Variants in GPC6 observed in about 807,000 individuals in gnomAD.
The protein encoded by GPC6 is glypican-6.
In GPC6, 14 loss-of-function variants were observed where a neutral mutation model predicts 55.2. That is an observed-to-expected ratio of 0.25 (90% CI 0.17 to 0.40). GPC6 has a LOEUF of 0.40. Among genes scored for constraint, GPC6 ranks in the 10% least tolerant of loss-of-function variants. GPC6 has a pLI of 1.00. For synonymous variants in GPC6, 278 were observed against 259.6 expected (o/e 1.07, Z -0.68); for missense variants, 641 against 708.5 (o/e 0.90, Z 1.08).
chr13:94,279,679 C>A (rs1391524351), intron 4 of GPC6, among the ~76,000 whole-genome samples: 2 of 152,100 alleles, frequency 1.3e-5, no homozygotes, highest in Non-Finnish European at 2.9e-5. Context: ...TTCTTGATTT[C>A]TGCCTTAATT....
At chr13:93,802,680 G>A (rs1886412906) in intron 2 of GPC6, among the ~76,000 whole-genome samples, 1 of 152,032 alleles carries the variant, frequency 6.6e-6, no homozygotes, top group Non-Finnish European at 1.5e-5. Context: ...TTACAGTTGT[G>A]AGCCACCATG....
At chr13:93,233,942 C>A (rs115794303) in intron 1 of GPC6, among the ~76,000 whole-genome samples, 103 of 152,270 alleles carry the variant, frequency 6.8e-4, no homozygotes, top group African/African-American at 2.4e-3. Context: ...AGTTAAAAAG[C>A]CCAGTAGTGC....
At position 93,312,889 on chromosome 13, in the gene GPC6, T is replaced by C. The variant is rs139672220; in HGVS notation, c.160+85273T>C. 4.5e-3 allele frequency among the ~76,000 whole-genome samples: 682 copies of C among 152,306 alleles called. 3 individuals are homozygous for C. Among genetic ancestry groups the C allele is most frequent in the African/African-American group, 0.016 (656 of 41,572 alleles). On this transcript the variant is annotated intron_variant, in intron 1 of 8. Coordinates refer to ENST00000377047, the MANE Select transcript of GPC6 (RefSeq NM_005708.5). ...ATTTTAATGATATTCTATTTGGCTC[T>C]ATAAACTGTACTGAAGCCAGCGCTG...
chr13:93,897,275 G>A (rs1258577378), intron 3 of GPC6, among the ~76,000 whole-genome samples: 1 of 151,980 alleles, frequency 6.6e-6, no homozygotes, highest in Non-Finnish European at 1.5e-5. Context: ...GGTGGCTATA[G>A]TTAGTATTCA....
At chr13:93,761,842 A>G (rs1884965445) in intron 2 of GPC6, among the ~76,000 whole-genome samples, 1 of 152,186 alleles carries the variant, frequency 6.6e-6, no homozygotes, top group Admixed American at 6.5e-5. Flanking sequence ...CACATTAGTC[A>G]TCTGAAATAC....
chr13:93,810,044 A>G (rs928668108), intron 2 of GPC6, among the ~76,000 whole-genome samples: 3 of 152,086 alleles, frequency 2.0e-5, no homozygotes, highest in African/African-American at 7.2e-5. Context: ...TTTGTTCTTA[A>G]AGAAAGCTCC....
At chr13:94,060,411 TAGGTGTTC>T (rs1215050294) in intron 4 of GPC6, among the ~76,000 whole-genome samples, 1 of 152,166 alleles carries the variant, frequency 6.6e-6, no homozygotes, top group Non-Finnish European at 1.5e-5. Flanking sequence ...AGGCACATAG[TAGGTGTTC>T]AGGAAATACA....
intron 2 of GPC6, among the ~76,000 whole-genome samples, chr13:93,663,473 T>C (rs1881007878): frequency 6.6e-6 from 1 of 152,220 alleles, no homozygotes; most frequent in Non-Finnish European, 1.5e-5. Flanking sequence ...AATTTTTGTG[T>C]TTACAGTCTT....
At chr13:93,749,959 G>T (rs1235677309) in intron 2 of GPC6, among the ~76,000 whole-genome samples, 1 of 152,050 alleles carries the variant, frequency 6.6e-6, no homozygotes, top group Non-Finnish European at 1.5e-5. Context: ...TTGAGTAATA[G>T]CATTTTATTT....
chr13:94,312,774 A>T (rs538789842), intron 6 of GPC6, among the ~76,000 whole-genome samples: 2 of 152,132 alleles, frequency 1.3e-5, no homozygotes, highest in East Asian at 3.9e-4. Context: ...CTTGGCCTGA[A>T]CAAAAAAAGT....
At chr13:93,351,225 GT>G (rs1880618144) in intron 1 of GPC6, among the ~76,000 whole-genome samples, 2 of 152,108 alleles carry the variant, frequency 1.3e-5, no homozygotes, top group Non-Finnish European at 2.9e-5. Flanking sequence ...ATTTCATCCT[GT>G]TTATAATAGT....
At chr13:93,481,665 G>A (rs1031417102) in intron 1 of GPC6, among the ~76,000 whole-genome samples, 1 of 151,668 alleles carries the variant, frequency 6.6e-6, no homozygotes, top group East Asian at 1.9e-4. Context: ...TAGATACTCA[G>A]TTGTGGCAGA....
chr13:93,234,088 G>C (rs182267334), intron 1 of GPC6, among the ~76,000 whole-genome samples: 11 of 152,190 alleles, frequency 7.2e-5, no homozygotes, highest in Non-Finnish European at 1.3e-4. Context: ...GACAACCCTG[G>C]GGTGATCAAA....
chr13:93,465,418 A>G (rs978822116), intron 1 of GPC6, among the ~76,000 whole-genome samples: 1 of 152,162 alleles, frequency 6.6e-6, no homozygotes, highest in African/African-American at 2.4e-5. Flanking sequence ...ATCCAGATAA[A>G]CTTCTCGCAG....
intron 4 of GPC6, among the ~76,000 whole-genome samples, chr13:94,258,769 A>G (rs1891574355): frequency 6.6e-6 from 1 of 152,212 alleles, no homozygotes; most frequent in African/African-American, 2.4e-5. Context: ...AAGATAATGG[A>G]GACAAAATGA....
At chr13:93,375,769 G>A (rs1924384) in intron 1 of GPC6, among the ~76,000 whole-genome samples, 57,853 of 151,912 alleles carry the variant, frequency 0.38, 12,261 homozygotes, top group Non-Finnish European at 0.5. Flanking sequence ...CCTGTGCCAG[G>A]CCAATTAATT....
chr13:93,674,173 C>G lies in GPC6; in HGVS notation c.319+128752C>G, dbSNP rs145166584. ...GTTTTGGATTTAGGTCATCAGGCTG[C>G]GTGTGGTAGAATGAAGATTTCACTT... On this transcript the variant is annotated intron_variant, in intron 2 of 8. Transcript: ENST00000377047. Among the ~76,000 whole-genome samples, 757 of 152,114 alleles carry G rather than the reference C, an allele frequency of 5.0e-3. 6 individuals are homozygous for G. The highest frequency in any genetic ancestry group is 0.017 in the African/African-American group (698 of 41,500).
intron 4 of GPC6, among the ~76,000 whole-genome samples, chr13:94,137,094 T>C (rs1331722688): frequency 6.6e-6 from 1 of 152,248 alleles, no homozygotes; most frequent in Non-Finnish European, 1.5e-5. Flanking sequence ...AGTGTCTCAA[T>C]TATTTCTAGT....
chr13:94,172,319 C>T (rs1459364975), intron 4 of GPC6, among the ~76,000 whole-genome samples: 1 of 151,788 alleles, frequency 6.6e-6, no homozygotes, highest in Non-Finnish European at 1.5e-5. Flanking sequence ...CTCAATAGTA[C>T]ATATTAACTG....
Sources: allele counts gnomAD v4.1 joint callset (sites outside exome capture counted in the v4.1 genomes callset), GRCh38; gene constraint gnomAD v4.1.1; transcripts MANE v1.5; gene names NCBI Gene and HGNC (gene_info 2026-07-23, HGNC 2026-07-21).